Variants in PRKN observed in about 807,000 individuals in gnomAD.
PRKN encodes the protein E3 ubiquitin-protein ligase parkin.
A neutral mutation model predicts 59.5 loss-of-function variants in PRKN; 56 were observed. The observed-to-expected ratio is 0.94, with a 90% confidence interval of 0.76 to 1.18. PRKN has a LOEUF of 1.18. Ranked by LOEUF, PRKN falls within the 50% of genes most tolerant of loss-of-function variation. The pLI, the probability that PRKN is intolerant of heterozygous loss-of-function variation, is 0.00. For synonymous variants in PRKN, 250 were observed against 222.1 expected, an observed-to-expected ratio of 1.13 and a Z score of -1.12; for missense variants, 657 against 596.4, an observed-to-expected ratio of 1.10 and a Z score of -1.06.
chr6:161,522,114 G>A (rs929384282), intron 9 of PRKN, among the ~76,000 whole-genome samples: 3 of 152,100 alleles, frequency 2.0e-5, no homozygotes, highest in African/African-American at 4.8e-5. Context: ...TTAAAAAGCC[G>A]AGTTGGTTTT....
chr6:162,150,292 A>G (rs1451093424), intron 4 of PRKN, among the ~76,000 whole-genome samples: 9 of 152,208 alleles, frequency 5.9e-5, no homozygotes, highest in Non-Finnish European at 1.0e-4. Context: ...CTAAGAAGAC[A>G]GTGGCAAAAT....
At chr6:161,493,537 G>A (rs1239646527) in intron 9 of PRKN, among the ~76,000 whole-genome samples, 2 of 152,192 alleles carry the variant, frequency 1.3e-5, no homozygotes, top group African/African-American at 4.8e-5. Flanking sequence ...ATGAACTGAT[G>A]GATAGATGGA....
At chr6:162,008,145 A>T (rs1782333428) in intron 5 of PRKN, among the ~76,000 whole-genome samples, 1 of 152,236 alleles carries the variant, frequency 6.6e-6, no homozygotes, top group Non-Finnish European at 1.5e-5. Context: ...TGCAAAGTTT[A>T]CTATGAAAAT....
intron 1 of PRKN, among the ~76,000 whole-genome samples, chr6:162,545,438 C>CA (rs1659015189): frequency 1.3e-5 from 2 of 152,130 alleles, no homozygotes; most frequent in Non-Finnish European, 2.9e-5. Context: ...CCGGAAAAGG[C>CA]AAATAAAACA....
At chr6:162,140,286 T>C (rs1240546531) in intron 4 of PRKN, among the ~76,000 whole-genome samples, 2 of 152,158 alleles carry the variant, frequency 1.3e-5, no homozygotes, top group Admixed American at 6.6e-5. Context: ...CATGATAATT[T>C]AGAAAAAAAA....
intron 2 of PRKN, among the ~76,000 whole-genome samples, chr6:162,317,781 T>C (rs1011284292): frequency 5.3e-5 from 8 of 152,116 alleles, no homozygotes; most frequent in Middle Eastern, 3.4e-3. Flanking sequence ...CCTATTTCCC[T>C]GTCTCAAGTA....
At chr6:161,773,664 G>A (rs1789791275) in intron 7 of PRKN, among the ~76,000 whole-genome samples, 1 of 152,176 alleles carries the variant, frequency 6.6e-6, no homozygotes, top group South Asian at 2.1e-4. Context: ...AATTGTTTGT[G>A]TTTGCCCTCA....
At chr6:162,582,350 C>T (rs765380124) in intron 1 of PRKN, among the ~76,000 whole-genome samples, 1 of 152,168 alleles carries the variant, frequency 6.6e-6, no homozygotes, top group Non-Finnish European at 1.5e-5. Context: ...ATCCATGTGA[C>T]TTTGCACATA....
chr6:162,138,425 C>T lies in PRKN; in HGVS notation c.534+62706G>A, dbSNP rs578222231. On this transcript the variant is annotated intron_variant, in intron 4 of 11. Coordinates refer to ENST00000366898, the MANE Select transcript of PRKN (RefSeq NM_004562.3). ...TGATGTCGACTAGCTCAACTGTTGC[C>T]TGCATAAAGACAAACTTTTTTTAAA... 2.4e-4 allele frequency among the ~76,000 whole-genome samples: 37 copies of T among 152,228 alleles called. 1 individual carries two copies. Among genetic ancestry groups the T allele is most frequent in the Admixed American group, 2.0e-3 (31 of 15,290 alleles).
intron 9 of PRKN, among the ~76,000 whole-genome samples, chr6:161,422,461 A>G (rs1185843274): frequency 1.3e-5 from 2 of 152,144 alleles, no homozygotes; most frequent in East Asian, 1.9e-4. Context: ...GGCCTCCCAA[A>G]GTGCTGGGAT....
At chr6:161,924,194 T>C (rs1318894666) in intron 6 of PRKN, among the ~76,000 whole-genome samples, 1 of 152,118 alleles carries the variant, frequency 6.6e-6, no homozygotes, top group Admixed American at 6.6e-5. Context: ...TAGGAAAAAG[T>C]AAGCATTCAA....
In PRKN at chr6:161,410,184, C is replaced by T. The variant is rs1307835940; in HGVS notation, c.1084-23307G>A. On this transcript the variant is annotated intron_variant, in intron 9 of 11. Coordinates refer to ENST00000366898, the MANE Select transcript of PRKN (RefSeq NM_004562.3). The surrounding 1 kb of genome is among the most constrained non-coding windows in gnomAD (Gnocchi z 5.3). ...ATAAGTTGTGGCAGGGGGCCTGGGG[C>T]AGGTGGGTGGCCAGGAATCTGAAGG... is the stretch of plus-strand genomic sequence containing the variant. 1.3e-5 allele frequency among the ~76,000 whole-genome samples: 2 copies of T among 152,006 alleles called. No homozygotes were observed. Among genetic ancestry groups the T allele is most frequent in the African/African-American group, 2.4e-5 (1 of 41,372 alleles).
chr6:162,237,523 TCTAC>T (rs1778791628), intron 3 of PRKN, among the ~76,000 whole-genome samples: 1 of 152,168 alleles, frequency 6.6e-6, no homozygotes, highest in African/African-American at 2.4e-5. Flanking sequence ...TGAGAAGTGC[TCTAC>T]CTATCAACAA....
At chr6:161,580,172 C>T (rs1261828820) in intron 7 of PRKN, among the ~76,000 whole-genome samples, 1 of 152,148 alleles carries the variant, frequency 6.6e-6, no homozygotes, top group Non-Finnish European at 1.5e-5. Context: ...TTTGATTGCC[C>T]AGATCTTTGC....
intron 1 of PRKN, among the ~76,000 whole-genome samples, chr6:162,660,367 A>C (rs948917612): frequency 1.8e-4 from 28 of 152,176 alleles, no homozygotes; most frequent in African/African-American, 6.8e-4. Flanking sequence ...TTCCTTATGC[A>C]GTGTTCTCTA....
rs1326038379 is a variant in PRKN at position 161,409,152 on chromosome 6, G to A, written c.1084-22275C>T. ...GTAGAGATGGGGTTTCACCATATTG[G>A]CCAGGCTGGTCTCGAACTCCTGACC... On this transcript the variant is annotated intron_variant, in intron 9 of 11. Coordinates refer to ENST00000366898, the MANE Select transcript of PRKN (RefSeq NM_004562.3). The surrounding 1 kb of genome is among the most constrained non-coding windows in gnomAD (Gnocchi z 4.6). 6.6e-6 allele frequency among the ~76,000 whole-genome samples: 1 copy of A among 152,004 alleles called. No individual in the cohort carries two copies. The highest frequency in any genetic ancestry group is 1.5e-5 in the Non-Finnish European group (1 of 68,018).
chr6:161,435,864 T>C (rs1169891631), intron 9 of PRKN, among the ~76,000 whole-genome samples: 2 of 113,016 alleles, frequency 1.8e-5, no homozygotes, highest in Non-Finnish European at 3.6e-5. Flanking sequence ...CCTCAAGGAC[T>C]GCCTGGGAGG....
chr6:162,588,013 G>GTTTTTTTTTTT (rs71004102), intron 1 of PRKN, among the ~76,000 whole-genome samples: 23 of 136,670 alleles, frequency 1.7e-4, no homozygotes, highest in African/African-American at 3.5e-4. Flanking sequence ...GAGTTTTTGA[G>GTTTTTTTTTTT]TTTTTTTTTT....
chr6:162,660,392 ATC>A (rs1242663337), intron 1 of PRKN, among the ~76,000 whole-genome samples: 1 of 152,054 alleles, frequency 6.6e-6, no homozygotes, highest in Non-Finnish European at 1.5e-5. Flanking sequence ...TGCCCACTAA[ATC>A]TGTTTCACCA....
Sources: allele counts gnomAD v4.1 joint callset (sites outside exome capture counted in the v4.1 genomes callset), GRCh38; gene constraint gnomAD v4.1.1; non-coding constraint Gnocchi (gnomAD v3.1); transcripts MANE v1.5; gene names NCBI Gene and HGNC (gene_info 2026-07-23, HGNC 2026-07-21).